Variants in CCDC60 observed in about 807,000 individuals in gnomAD.
CCDC60 encodes the protein coiled-coil domain-containing protein 60.
A neutral mutation model predicts 63.5 loss-of-function variants in CCDC60; 54 were observed. The ratio of observed to expected loss-of-function variants is 0.85; its 90% CI spans 0.68 to 1.07. The LOEUF (loss-of-function observed/expected upper bound fraction) is 1.07, where lower values mean the gene tolerates loss of function less well. Ranked by LOEUF, CCDC60 falls within the 50% of genes least tolerant of loss-of-function variation. The pLI is 0.00. For synonymous variants in CCDC60, 206 were observed against 238.8 expected, an observed-to-expected ratio of 0.86 and a Z score of 1.27; for missense variants, 651 against 684.3, an observed-to-expected ratio of 0.95 and a Z score of 0.54.
At chr12:119,431,388 G>A (rs1950225357) in intron 2 of CCDC60, among the ~76,000 whole-genome samples, 1 of 152,170 alleles carries the variant, frequency 6.6e-6, no homozygotes, top group South Asian at 2.1e-4. Flanking sequence ...TCAGTTCTTG[G>A]GTGGGGACCA....
chr12:119,349,405 G>A (rs567949901), intron 1 of CCDC60, among the ~76,000 whole-genome samples: 2 of 147,438 alleles, frequency 1.4e-5, no homozygotes, highest in Admixed American at 1.4e-4. Flanking sequence ...GAGTGCAGTG[G>A]CACAATCTGG....
intron 1 of CCDC60, among the ~76,000 whole-genome samples, chr12:119,365,508 T>G (rs565397113): frequency 2.0e-5 from 3 of 151,738 alleles, no homozygotes; most frequent in African/African-American, 4.8e-5. Flanking sequence ...ATGTCAACTT[T>G]TGTGTGTGTG....
At position 119,479,216 on chromosome 12, in the gene CCDC60, C is replaced by A. The variant is rs541627992; in HGVS notation, c.449+15C>A. ...GAGGCTCACGTGTAAGTAGTCTCAC[C>A]TCCAGCTCATTTGCTTTGCTAGCTT... On this transcript the variant is annotated intron_variant, in intron 4 of 13. Coordinates refer to ENST00000327554, the MANE Select transcript of CCDC60 (RefSeq NM_178499.5). The A allele has an allele frequency of 8.9e-5, 140 of 1,575,202 alleles. No homozygotes were observed. The South Asian group carries it at 1.5e-3, about 17-fold the overall frequency.
At chr12:119,389,744 C>G (rs1956123750) in intron 1 of CCDC60, among the ~76,000 whole-genome samples, 1 of 152,050 alleles carries the variant, frequency 6.6e-6, no homozygotes, top group Non-Finnish European at 1.5e-5. Context: ...GCCCCCCTAC[C>G]CACCTCCCAT....
At chr12:119,484,500 G>C (rs574546890) in intron 4 of CCDC60, among the ~76,000 whole-genome samples, 2 of 151,950 alleles carry the variant, frequency 1.3e-5, no homozygotes, top group Non-Finnish European at 2.9e-5. Context: ...CGGATCGCTT[G>C]AGCCCAGGAG....
intron 1 of CCDC60, among the ~76,000 whole-genome samples, chr12:119,424,875 T>TG (rs1411736935): frequency 1.3e-5 from 2 of 152,250 alleles, no homozygotes; most frequent in East Asian, 3.9e-4. Flanking sequence ...TTGTGAGGCT[T>TG]GGGGGTGCGT....
intron 1 of CCDC60, among the ~76,000 whole-genome samples, chr12:119,352,556 A>G (rs1019027033): frequency 6.6e-6 from 1 of 152,178 alleles, no homozygotes; most frequent in East Asian, 1.9e-4. Context: ...GTCTGGCCCA[A>G]AAGTCTCAAT....
intron 1 of CCDC60, among the ~76,000 whole-genome samples, chr12:119,355,106 C>A (rs577729305): frequency 5.5e-4 from 84 of 152,296 alleles, no homozygotes; most frequent in Middle Eastern, 3.4e-3. Context: ...TCCTTATCCA[C>A]AAAATGGAGA....
At chr12:119,487,758 GT>G (rs1951488073) in intron 4 of CCDC60, among the ~76,000 whole-genome samples, 1 of 152,138 alleles carries the variant, frequency 6.6e-6, no homozygotes, top group East Asian at 1.9e-4. Flanking sequence ...ATTAAATAAT[GT>G]GTATAAAGTG....
intron 2 of CCDC60, among the ~76,000 whole-genome samples, chr12:119,455,092 C>G (rs1950700441): frequency 6.6e-6 from 1 of 151,330 alleles, no homozygotes; most frequent in Non-Finnish European, 1.5e-5. Flanking sequence ...GGAAAGGCAG[C>G]TGGGAAATAT....
In CCDC60 at chr12:119,516,922, T is replaced by C. The variant is rs927198578; in HGVS notation, c.968+215T>C. Among the ~76,000 whole-genome samples the C allele has an allele frequency of 2.0e-5, 3 of 152,218 alleles. No homozygotes were observed. In the East Asian group the frequency reaches 5.8e-4, roughly 29 times the overall value. Reference sequence around the variant, plus strand: ...AGAAATGAGGCTCAGAGAGCCTATGTGACTAGTTCAAGGTCACTCAGCTAG... The same window carrying C: ...AGAAATGAGGCTCAGAGAGCCTATGCGACTAGTTCAAGGTCACTCAGCTAG... On this transcript the variant is annotated intron_variant, in intron 8 of 13. Transcript: ENST00000327554.
intron 1 of CCDC60, among the ~76,000 whole-genome samples, chr12:119,338,292 A>G (rs542249543): frequency 2.0e-5 from 3 of 152,342 alleles, no homozygotes; most frequent in East Asian, 1.9e-4. Flanking sequence ...TCTGGGGTAA[A>G]TCAAATGAAT....
chr12:119,417,198 TCTG>T (rs1158468756), intron 1 of CCDC60, among the ~76,000 whole-genome samples: 1 of 152,168 alleles, frequency 6.6e-6, no homozygotes, highest in Non-Finnish European at 1.5e-5. Context: ...TGAGGGTGAT[TCTG>T]CTTCCCAGAG....
At chr12:119,424,081 C>T (rs546506021) in intron 1 of CCDC60, among the ~76,000 whole-genome samples, 5 of 152,232 alleles carry the variant, frequency 3.3e-5, no homozygotes, top group Admixed American at 6.5e-5. Flanking sequence ...AATTCAAATG[C>T]CCTGAGATAA....
At chr12:119,472,888 T>A (rs532835340) in intron 3 of CCDC60, among the ~76,000 whole-genome samples, 2 of 152,154 alleles carry the variant, frequency 1.3e-5, no homozygotes, top group Non-Finnish European at 2.9e-5. Context: ...GCCTCCTTTT[T>A]TTGTAAAGGA....
chr12:119,476,797 A>G (rs939116115), intron 3 of CCDC60, among the ~76,000 whole-genome samples: 17 of 151,922 alleles, frequency 1.1e-4, no homozygotes, highest in African/African-American at 4.1e-4. Flanking sequence ...ACACTCTCCT[A>G]CTTTCTTACT....
intron 1 of CCDC60, among the ~76,000 whole-genome samples, chr12:119,370,483 A>G (rs533747904): frequency 1.5e-3 from 231 of 152,300 alleles, no homozygotes; most frequent in Non-Finnish European, 2.9e-3. Context: ...CCAAACACAC[A>G]TCACAGGTAT....
At chr12:119,364,171 C>T (rs1489172245) in intron 1 of CCDC60, among the ~76,000 whole-genome samples, 1 of 151,912 alleles carries the variant, frequency 6.6e-6, no homozygotes, top group Non-Finnish European at 1.5e-5. Context: ...TCCTTCCTTC[C>T]TTCTTTGTTT....
At chr12:119,486,338 G>C (rs1054858169) in intron 4 of CCDC60, among the ~76,000 whole-genome samples, 3 of 152,024 alleles carry the variant, frequency 2.0e-5, no homozygotes, top group African/African-American at 7.2e-5. Context: ...GGAGTTTGAC[G>C]CTAGCCTAGG....
Sources: allele counts gnomAD v4.1 joint callset (sites outside exome capture counted in the v4.1 genomes callset), GRCh38; gene constraint gnomAD v4.1.1; transcripts MANE v1.5; gene names NCBI Gene and HGNC (gene_info 2026-07-23, HGNC 2026-07-21).